Variants in RAB27A observed in about 807,000 individuals in gnomAD.
RAB27A encodes ras-related protein Rab-27A.
A neutral mutation model predicts 20.8 loss-of-function variants in RAB27A; 17 were observed. The ratio of observed to expected loss-of-function variants is 0.82; its 90% CI spans 0.56 to 1.23. The LOEUF (loss-of-function observed/expected upper bound fraction) is 1.23. Among genes scored for constraint, RAB27A ranks in the 50% most tolerant of loss-of-function variants. The pLI, the probability that RAB27A is intolerant of heterozygous loss-of-function variation, is 0.00. For missense variants in RAB27A, 277 were observed against 266.7 expected (o/e 1.04, Z -0.27); for synonymous variants, 85 against 92.8 (o/e 0.92, Z 0.48).
chr15:55,237,856 C>T (rs917045825), intron 2 of RAB27A, among the ~76,000 whole-genome samples: 2 of 152,010 alleles, frequency 1.3e-5, no homozygotes, highest in African/African-American at 4.8e-5. Flanking sequence ...ACTTAGGGTA[C>T]AGGAAAAAAT....
rs1363038576 is a variant in RAB27A, at chr15:55,262,558, T to C, written c.-23+7607A>G. ...CTCTGACTCAAAGAAAAAAAAAAAA[T>C]AGGTAAGAACAAAACAAAACAAAAA... On this transcript the variant is annotated intron_variant, in intron 2 of 6. Transcript: ENST00000336787. 3.3e-5 allele frequency among the ~76,000 whole-genome samples: 4 copies of C among 119,426 alleles called. No individual in the cohort carries two copies. In the East Asian group the frequency reaches 1.0e-3, roughly 30 times the overall value. The allele number at this position is 119,426 out of a possible 152,430, so 78.3% of individuals were successfully genotyped here. A position where few individuals can be genotyped will look rare whatever the true frequency, so the allele number is the denominator to read the frequency against.
intron 6 of RAB27A, among the ~76,000 whole-genome samples, chr15:55,212,018 T>C (rs1289969691): frequency 5.9e-5 from 9 of 151,488 alleles, no homozygotes; most frequent in Non-Finnish European, 1.2e-4. Flanking sequence ...TTCTTGTATA[T>C]GCTCTTCAGA....
intron 3 of RAB27A, among the ~76,000 whole-genome samples, chr15:55,232,351 A>G (rs1406506986): frequency 2.0e-5 from 3 of 152,220 alleles, no homozygotes; most frequent in Non-Finnish European, 4.4e-5. Flanking sequence ...CAGTAAAAAC[A>G]AGAAACCCAG....
At chr15:55,305,018 T>A (rs1255017625) in intron 2 of RAB27A, among the ~76,000 whole-genome samples, 1 of 152,216 alleles carries the variant, frequency 6.6e-6, no homozygotes, top group African/African-American at 2.4e-5. Context: ...TCTCAGGCGA[T>A]AGATGATTGG....
At chr15:55,206,726 G>A (rs1261502176) in intron 6 of RAB27A, among the ~76,000 whole-genome samples, 1 of 152,096 alleles carries the variant, frequency 6.6e-6, no homozygotes, top group Non-Finnish European at 1.5e-5. Flanking sequence ...AAAACTTTTA[G>A]AAGAACATAC....
At chr15:55,226,208 A>C (rs1325437100) in intron 5 of RAB27A, among the ~76,000 whole-genome samples, 1 of 151,960 alleles carries the variant, frequency 6.6e-6, no homozygotes, top group African/African-American at 2.4e-5. Flanking sequence ...ACTCCTCTGA[A>C]CTCCAGGAAG....
chr15:55,243,281 A>G (rs778239748), intron 2 of RAB27A, among the ~76,000 whole-genome samples: 3 of 152,246 alleles, frequency 2.0e-5, no homozygotes, highest in Non-Finnish European at 2.9e-5. Context: ...AAAAGCAAGC[A>G]GAGCAATCAT....
chr15:55,232,483 C>T (rs551182743), intron 3 of RAB27A, among the ~76,000 whole-genome samples: 6 of 152,138 alleles, frequency 3.9e-5, no homozygotes, highest in East Asian at 1.9e-4. Context: ...AAAAAAACAA[C>T]GAATAGAAAT....
rs1259290779 is a variant in RAB27A, at chr15:55,223,991, T to A, written c.365A>T (p.Tyr122Phe). The stretch of plus-strand genomic sequence containing the variant: ...CAGCACTATATCTGGGTTTTCACAA[T>A]ATGCATGCATCTGTAGCTGGCCTAT... ...NWISQLQMHA[Y>F]CENPDIVLCG... Residue 122 changes from tyrosine (Y) to phenylalanine (F), a missense_variant, in exon 6 of 7, where the codon TAT (tyrosine) becomes TTT (phenylalanine). Tyr to Phe is a conservative substitution (Grantham distance 22). Transcript: ENST00000336787. 18 of 1,589,392 alleles carry A rather than the reference T, an allele frequency of 1.1e-5. No homozygotes were observed. Among genetic ancestry groups the A allele is most frequent in the Non-Finnish European group, 1.5e-5 (17 of 1,157,554 alleles).
intron 1 of RAB27A, among the ~76,000 whole-genome samples, chr15:55,318,544 A>C (rs1173408482): frequency 1.3e-5 from 2 of 151,268 alleles, no homozygotes; most frequent in Non-Finnish European, 3.0e-5. Context: ...CTCTACAAAA[A>C]AACACAAAAA....
At chr15:55,311,054 T>G (rs2055018179) in intron 2 of RAB27A, among the ~76,000 whole-genome samples, 1 of 152,096 alleles carries the variant, frequency 6.6e-6, no homozygotes, top group Non-Finnish European at 1.5e-5. Flanking sequence ...CCACTGAGGG[T>G]CTACACTGGG....
At chr15:55,261,709 CAAAAAAAAAA>C (rs768256540) in intron 2 of RAB27A, among the ~76,000 whole-genome samples, 2 of 18,652 alleles carry the variant, frequency 1.1e-4, no homozygotes, top group Non-Finnish European at 1.3e-4. Flanking sequence ...CACTGCATCT[CAAAAAAAAAA>C]AAAAAAAAAA....
Position 55,300,506 on chromosome 15 carries a change from C to T in RAB27A, c.-112+13533G>A, listed in dbSNP as rs538912516. On this transcript the variant is annotated intron_variant, in intron 2 of 5. Transcript: ENST00000563262. Reference sequence around the variant, plus strand: ...ACCAGCCTGACCAACATGGAGAAACCCCGTCTCTACTAAAAATACAAAATT... The same window carrying T: ...ACCAGCCTGACCAACATGGAGAAACTCCGTCTCTACTAAAAATACAAAATT... Among the ~76,000 whole-genome samples the T allele has an allele frequency of 1.1e-3, 164 of 152,106 alleles. 1 individual carries two copies. Among genetic ancestry groups the T allele is most frequent in the Middle Eastern group, 3.4e-3 (1 of 294 alleles).
chr15:55,244,913 CT>C (rs753364828), intron 2 of RAB27A, among the ~76,000 whole-genome samples: 14 of 152,076 alleles, frequency 9.2e-5, no homozygotes, highest in African/African-American at 1.4e-4. Flanking sequence ...AAGCAGTAGG[CT>C]TTTCTTGCTT....
chr15:55,245,375 C>CT (rs1432961701), intron 2 of RAB27A, among the ~76,000 whole-genome samples: 2 of 152,152 alleles, frequency 1.3e-5, no homozygotes, highest in Non-Finnish European at 2.9e-5. Flanking sequence ...TGTGCAAAAT[C>CT]TCAGGCGGAG....
Position 55,220,724 on chromosome 15 carries a change from G to A in RAB27A, c.467+3165C>T, listed in dbSNP as rs558283937. Among the ~76,000 whole-genome samples, 5 of 152,266 alleles carry A rather than the reference G, an allele frequency of 3.3e-5. No individual in the cohort carries two copies. The East Asian group carries it at 9.6e-4, about 29-fold the overall frequency. ...GCACATGGATAAACTAAACAATATAGTCCTTTAGTGCATGTGTAACCAGTG... is the reference window on the plus strand; with the variant it reads ...GCACATGGATAAACTAAACAATATAATCCTTTAGTGCATGTGTAACCAGTG... On this transcript the variant is annotated intron_variant, in intron 6 of 6. Coordinates refer to ENST00000336787, the MANE Select transcript of RAB27A (RefSeq NM_183235.3).
chr15:55,219,384 G>C lies in RAB27A; in HGVS notation c.467+4505C>G, dbSNP rs557797525. 2.0e-5 allele frequency among the ~76,000 whole-genome samples: 3 copies of C among 152,322 alleles called. No individual in the cohort carries two copies. In the East Asian group the frequency reaches 5.8e-4, roughly 29 times the overall value. On this transcript the variant is annotated intron_variant, in intron 6 of 6. Transcript: ENST00000336787. Reference sequence around the variant, plus strand: ...GACAATTGGTTCATATCCTGTACAAGAATGACTTTGTCCAAAGAAAATATC... The same window carrying C: ...GACAATTGGTTCATATCCTGTACAACAATGACTTTGTCCAAAGAAAATATC...
At chr15:55,237,059 C>T (rs1325150544) in intron 2 of RAB27A, among the ~76,000 whole-genome samples, 1 of 152,176 alleles carries the variant, frequency 6.6e-6, no homozygotes, top group Non-Finnish European at 1.5e-5. Context: ...CTCATTAACA[C>T]TGACGACTCT....
rs71297648 is a variant in RAB27A at position 55,280,503 on chromosome 15, TTATATA to T, written c.-143+9207_-143+9212del. On this transcript the variant is annotated intron_variant, in intron 1 of 6. Transcript: ENST00000336787. ...TGTTGTTGTTTCTTGTGGGTATGGT[TTATATA>T]TATATATATATATATATACTTTAAG... 8.0e-4 allele frequency among the ~76,000 whole-genome samples: 111 copies of T among 137,942 alleles called. 3 individuals are homozygous for T. Among genetic ancestry groups the T allele is most frequent in the African/African-American group, 3.2e-3 (110 of 34,802 alleles). The allele number at this position is 137,942 out of a possible 152,430, so 90.5% of individuals were successfully genotyped here.
Sources: allele counts gnomAD v4.1 joint callset (sites outside exome capture counted in the v4.1 genomes callset), GRCh38; gene constraint gnomAD v4.1.1; transcripts MANE v1.5; gene names NCBI Gene and HGNC (gene_info 2026-07-23, HGNC 2026-07-21).